The following PDXDC1 variants were observed in gnomAD, a reference collection of about 807,000 sequenced individuals.
The protein encoded by PDXDC1 is pyridoxal-dependent decarboxylase domain-containing protein 1.
Under a neutral mutation model 100.1 loss-of-function variants are expected in PDXDC1, and 42 were observed. That is an observed-to-expected ratio of 0.42 (90% CI 0.33 to 0.54). The LOEUF is 0.54. Ranked by LOEUF, PDXDC1 falls within the 20% of genes least tolerant of loss-of-function variation. The probability of loss-of-function intolerance (pLI) is 0.10; values close to 1 mark genes in which losing one functional copy is unlikely to be tolerated. For missense variants in PDXDC1, 636 were observed against 979.2 expected (o/e 0.65, Z 4.68); for synonymous variants, 260 against 371.7 (o/e 0.70, Z 3.46).
chr16:15,024,492 C>T (rs554542646), intron 13 of PDXDC1, among the ~76,000 whole-genome samples: 149 of 151,972 alleles, frequency 9.8e-4, no homozygotes, highest in African/African-American at 2.7e-3. Flanking sequence ...CTCTAACCTC[C>T]GCCTCCTGGG....
At chr16:15,128,254 C>G in intron 16 of PDXDC1, 1 of 1,611,292 alleles carries the variant, frequency 6.2e-7, no homozygotes, top group Non-Finnish European at 8.5e-7. Flanking sequence ...CTTCCACACG[C>G]TACCCAGGCT....
intron 16 of PDXDC1, among the ~76,000 whole-genome samples, chr16:15,122,999 A>AC (rs2047513558): frequency 6.6e-6 from 1 of 151,012 alleles, no homozygotes; most frequent in Admixed American, 6.6e-5. Flanking sequence ...GTTTAGCTAC[A>AC]GGTCACGGAG....
chr16:15,050,095 G>C (rs2044238421), intron 16 of PDXDC1, among the ~76,000 whole-genome samples: 1 of 152,044 alleles, frequency 6.6e-6, no homozygotes, highest in African/African-American at 2.4e-5. Flanking sequence ...AAAACAAAAT[G>C]GATAAGGCAA....
chr16:14,988,639 C>A (rs199809419), intron 1 of PDXDC1: 2 of 1,613,704 alleles, frequency 1.2e-6, no homozygotes, highest in Non-Finnish European at 8.5e-7. Context: ...TCCACGGACT[C>A]GTGTAGGTAG....
intron 16 of PDXDC1, among the ~76,000 whole-genome samples, chr16:15,053,788 G>A (rs1166880888): frequency 6.6e-6 from 1 of 152,148 alleles, no homozygotes; most frequent in Non-Finnish European, 1.5e-5. Context: ...GCATGCACCT[G>A]TAATCCCAGC....
At chr16:15,129,167 GA>G (rs2047921543) in intron 16 of PDXDC1, among the ~76,000 whole-genome samples, 1 of 151,826 alleles carries the variant, frequency 6.6e-6, no homozygotes, top group Non-Finnish European at 1.5e-5. Context: ...AAGCAGCACG[GA>G]AATAAAAAAT....
downstream of PDXDC1, among the ~76,000 whole-genome samples, chr16:15,141,231 G>C (rs1319732586): frequency 6.6e-6 from 1 of 152,240 alleles, no homozygotes; most frequent in African/African-American, 2.4e-5. Flanking sequence ...GCGCAGGAGA[G>C]ACGCACACAC....
intron 8 of PDXDC1, chr16:15,015,837 G>T: frequency 1.8e-6 from 1 of 568,020 alleles, no homozygotes; most frequent in Non-Finnish European, 2.9e-6. Flanking sequence ...CTTGGTGGGA[G>T]ATTTGAATAT....
rs565303626 is a variant in PDXDC1, at chr16:15,106,583, G to A, written c.1400-32296G>A. Among the ~76,000 whole-genome samples the A allele has an allele frequency of 4.0e-5, 6 of 150,072 alleles. No individual in the cohort carries two copies. In the South Asian group the frequency reaches 8.7e-4, roughly 22 times the overall value. ...ATCCTGGCTAATACAGTGAAACCCT[G>A]TCTCTACTAAAAATACAAAAAATTA... is the stretch of plus-strand genomic sequence containing the variant. On this transcript the variant is annotated intron_variant, in intron 16 of 16. Transcript: ENST00000535621.
chr16:15,031,056 A>G (rs1043196629), intron 16 of PDXDC1, among the ~76,000 whole-genome samples: 1 of 150,210 alleles, frequency 6.7e-6, no homozygotes, highest in African/African-American at 2.5e-5. Context: ...GGCTCAAGCA[A>G]TCCCCTGCCT....
chr16:14,976,271 G>A (rs1418986055), intron 1 of PDXDC1, among the ~76,000 whole-genome samples: 2 of 152,276 alleles, frequency 1.3e-5, no homozygotes, highest in Non-Finnish European at 2.9e-5. Context: ...AGCAATGCTC[G>A]TGTTTTAAGA....
At chr16:15,054,473 A>T (rs1005001084) in intron 16 of PDXDC1, among the ~76,000 whole-genome samples, 1 of 152,208 alleles carries the variant, frequency 6.6e-6, no homozygotes, top group Admixed American at 6.5e-5. Flanking sequence ...CAGGCGGCTG[A>T]AATTATTTTT....
Position 15,034,497 on chromosome 16 carries a change from A to G in PDXDC1, c.1946A>G (p.Asn649Ser). Residue 649 changes from asparagine to serine, a missense_variant, in exon 21 of 23, where the codon AAT (asparagine) becomes AGT (serine). Around this residue, in one of 4 missense-constraint regions of PDXDC1, gnomAD observed 452 missense variants for 402.9 expected, o/e 1.12. Transcript: ENST00000396410. Reference protein sequence around the residue: ...RQIPVVGSVLNWFSPVQALQK... With the variant: ...RQIPVVGSVLSWFSPVQALQK... ...ATCCCTGTAGTGGGCTCCGTGCTGA[A>G]TTGGTTTTCTCCGGTCCAGGCTTTA... is the stretch of plus-strand genomic sequence containing the variant. 1 of 1,614,098 alleles carries G rather than the reference A, an allele frequency of 6.2e-7. No individual in the cohort carries two copies. Among genetic ancestry groups the G allele is most frequent in the Non-Finnish European group, 8.5e-7 (1 of 1,180,032 alleles).
chr16:15,073,575 C>T (rs1249978087), intron 16 of PDXDC1, among the ~76,000 whole-genome samples: 2 of 152,158 alleles, frequency 1.3e-5, no homozygotes, highest in African/African-American at 4.8e-5. Flanking sequence ...GGAAGCAGGC[C>T]CTCACCTCAC....
At chr16:15,056,541 C>G (rs530032813) in intron 16 of PDXDC1, among the ~76,000 whole-genome samples, 6 of 151,984 alleles carry the variant, frequency 3.9e-5, no homozygotes. Flanking sequence ...TTTGGGGGGC[C>G]GAGGCAGGAG....
downstream of PDXDC1, among the ~76,000 whole-genome samples, chr16:15,042,076 A>T (rs2043840714): frequency 6.6e-6 from 1 of 152,218 alleles, no homozygotes; most frequent in South Asian, 2.1e-4. Context: ...AAGAGAACAT[A>T]AGGAAGTCGG....
chr16:15,073,295 C>CA (rs778409819), intron 16 of PDXDC1, among the ~76,000 whole-genome samples: 13 of 152,036 alleles, frequency 8.6e-5, no homozygotes, highest in Non-Finnish European at 1.6e-4. Flanking sequence ...TCTGTCTCTA[C>CA]AAAAAATCAA....
chr16:15,062,055 T>C (rs1357859980), intron 16 of PDXDC1: 9 of 746,854 alleles, frequency 1.2e-5, no homozygotes, highest in Non-Finnish European at 1.5e-5. Context: ...GGCACACGCC[T>C]GTAGTCCCAG....
intron 16 of PDXDC1, among the ~76,000 whole-genome samples, chr16:15,101,256 G>A (rs2046536943): frequency 6.6e-6 from 1 of 152,172 alleles, no homozygotes; most frequent in Non-Finnish European, 1.5e-5. Flanking sequence ...ACTTGATGTG[G>A]TTACACTCAG....
Sources: allele counts gnomAD v4.1 joint callset (sites outside exome capture counted in the v4.1 genomes callset), GRCh38; gene constraint gnomAD v4.1.1; regional missense constraint gnomAD v4.1.1; transcripts MANE v1.5; gene names NCBI Gene and HGNC (gene_info 2026-07-23, HGNC 2026-07-21).